DNAJB12: variants seen among roughly 807,000 people sequenced by gnomAD.
DNAJB12 encodes the protein DnaJ heat shock protein family (Hsp40) member B12, also known as dnaJ homolog subfamily B member 12.
DNAJB12 carries 14 observed loss-of-function variants against 40.6 expected under a neutral mutation model. The ratio of observed to expected loss-of-function variants is 0.34; its 90% CI spans 0.23 to 0.54. The LOEUF (loss-of-function observed/expected upper bound fraction) is 0.54, where lower values mean the gene tolerates loss of function less well. Among genes scored for constraint, DNAJB12 ranks in the 20% least tolerant of loss-of-function variants. The probability of loss-of-function intolerance (pLI) is 0.92; values close to 1 mark genes in which losing one functional copy is unlikely to be tolerated. For synonymous variants in DNAJB12, 181 were observed against 199.5 expected, an observed-to-expected ratio of 0.91 and a Z score of 0.78; for missense variants, 444 against 501.7, an observed-to-expected ratio of 0.89 and a Z score of 1.10.
intron 2 of DNAJB12, among the ~76,000 whole-genome samples, chr10:72,344,284 A>T (rs927709613): frequency 6.6e-6 from 1 of 152,070 alleles, no homozygotes; most frequent in Admixed American, 6.6e-5. Context: ...TCTCGCCTAC[A>T]CTTTTATGGC....
At chr10:72,337,828 C>T (rs894726799) in intron 6 of DNAJB12, among the ~76,000 whole-genome samples, 2 of 152,028 alleles carry the variant, frequency 1.3e-5, no homozygotes, top group Non-Finnish European at 2.9e-5. Context: ...AGGGAAGAGT[C>T]ACAAAGCCGC....
rs1002994500 is a variant in DNAJB12, at chr10:72,345,243, C to T, written c.134-116G>A. 1.6e-4 allele frequency: 197 copies of T among 1,204,824 alleles called. 1 individual carries two copies. Among genetic ancestry groups the T allele is most frequent in the Non-Finnish European group, 2.2e-4 (188 of 860,704 alleles). 74.6% of individuals were successfully genotyped at this position (1,204,824 alleles called of 1,614,324 possible). A position where few individuals can be genotyped will look rare whatever the true frequency, so the allele number is the denominator to read the frequency against. The stretch of plus-strand genomic sequence containing the variant: ...CCCAGCAAAGCCACCAGCTCCTGCC[C>T]TGATTAGGCCTGTGGGTGCTGGGGG... On this transcript the variant is annotated intron_variant, in intron 1 of 8. Coordinates refer to ENST00000444643, the MANE Select transcript of DNAJB12 (RefSeq NM_017626.7).
At chr10:72,339,243 A>AC (rs1472299150) in intron 5 of DNAJB12, among the ~76,000 whole-genome samples, 1 of 149,056 alleles carries the variant, frequency 6.7e-6, no homozygotes, top group African/African-American at 2.5e-5. Flanking sequence ...TGTCTCAAAA[A>AC]AAAAAAAAAA....
At chr10:72,340,378 G>C (rs1589125990) in intron 5 of DNAJB12, among the ~76,000 whole-genome samples, 1 of 152,090 alleles carries the variant, frequency 6.6e-6, no homozygotes, top group Non-Finnish European at 1.5e-5. Flanking sequence ...ACAAAGTTGA[G>C]AGAAAATAGC....
Position 72,345,051 on chromosome 10 carries a change from G to A in DNAJB12, c.210C>T (p.Thr70=). 4 of 1,614,174 alleles carry A rather than the reference G, an allele frequency of 2.5e-6. No individual in the cohort carries two copies. The highest frequency in any genetic ancestry group is 2.5e-6 in the Non-Finnish European group (3 of 1,180,020). The change falls in exon 2 of 9, where the codon ACC becomes ACT. Residue 70 remains threonine (T), a synonymous_variant. Coordinates refer to ENST00000444643, the MANE Select transcript of DNAJB12 (RefSeq NM_017626.7). The part of the protein sequence containing the change: ...QPPPTDTTHA[T]HRKAGGTDAP... ...CATCGGTCCCACCTGCTTTCCTGTG[G>A]GTGGCATGGGTTGTGTCTGTGGGTG...
At chr10:72,353,160 T>A (rs1221926941) in intron 1 of DNAJB12, among the ~76,000 whole-genome samples, 1 of 152,258 alleles carries the variant, frequency 6.6e-6, no homozygotes, top group Non-Finnish European at 1.5e-5. Flanking sequence ...TTCAAGCTCC[T>A]GAACTGGTGC....
intron 6 of DNAJB12, among the ~76,000 whole-genome samples, chr10:72,337,998 C>T (rs990308709): frequency 1.4e-4 from 22 of 152,070 alleles, no homozygotes; most frequent in African/African-American, 1.4e-4. Flanking sequence ...CTGTAGCTCT[C>T]GCTGCAATTT....
chr10:72,350,137 C>T (rs1258002136), intron 1 of DNAJB12, among the ~76,000 whole-genome samples: 1 of 152,072 alleles, frequency 6.6e-6, no homozygotes, highest in African/African-American at 2.4e-5. Context: ...CAGTGGCTCA[C>T]ACCTGTCATC....
chr10:72,343,316 T>G (rs745924448), intron 3 of DNAJB12, 50 bp downstream of exon 3: 1 of 1,583,732 alleles, frequency 6.3e-7, no homozygotes, highest in Non-Finnish European at 8.6e-7. Context: ...CTCCCTGCCA[T>G]GGACAGGAGA....
At chr10:72,339,809 G>T (rs1345137996) in intron 5 of DNAJB12, among the ~76,000 whole-genome samples, 1 of 151,072 alleles carries the variant, frequency 6.6e-6, no homozygotes, top group Non-Finnish European at 1.5e-5. Context: ...TGCCTCCTGG[G>T]TTCAAGTGAT....
At chr10:72,343,314 C>T in intron 3 of DNAJB12, 52 bp downstream of exon 3, 1 of 1,581,148 alleles carries the variant, frequency 6.3e-7, no homozygotes. Context: ...TACTCCCTGC[C>T]ATGGACAGGA....
intron 1 of DNAJB12, among the ~76,000 whole-genome samples, chr10:72,349,683 A>T (rs1861886663): frequency 6.6e-6 from 1 of 152,162 alleles, no homozygotes; most frequent in East Asian, 1.9e-4. Flanking sequence ...TAGCCAGGAG[A>T]TGGGACAGGC....
intron 6 of DNAJB12, among the ~76,000 whole-genome samples, chr10:72,337,945 G>A (rs1861524285): frequency 6.6e-6 from 1 of 152,198 alleles, no homozygotes; most frequent in South Asian, 2.1e-4. Context: ...TCGTGTGTGT[G>A]TATGTGTGTG....
rs549224257 is a variant in DNAJB12 at position 72,352,888 on chromosome 10, T to TC, written c.133+1876dup. ...CCGCCACCTAATATATCTGTATTACTCCCCCTGGGGAGGCAGGTAGCCAGC... is the reference window on the plus strand; with the variant it reads ...CCGCCACCTAATATATCTGTATTACTCCCCCCTGGGGAGGCAGGTAGCCAGC... On this transcript the variant is annotated intron_variant, in intron 1 of 8. Transcript: ENST00000444643. Among the ~76,000 whole-genome samples the TC allele has an allele frequency of 4.5e-4, 69 of 152,280 alleles. 1 individual carries two copies. The South Asian group carries it at 0.014, about 32-fold the overall frequency.
Position 72,334,542 on chromosome 10 carries a change from T to C in DNAJB12, c.*106A>G, listed in dbSNP as rs777272112. On this transcript the variant is annotated 3_prime_UTR_variant, in exon 9 of 9. Coordinates refer to ENST00000444643, the MANE Select transcript of DNAJB12 (RefSeq NM_017626.7). ...TTCCATTTTAATTTTGTTTCTTTGTTTGTCTTTCCTCAAATATACAGTCCA... is the reference window on the plus strand; with the variant it reads ...TTCCATTTTAATTTTGTTTCTTTGTCTGTCTTTCCTCAAATATACAGTCCA... 13 of 1,534,052 alleles carry C rather than the reference T, an allele frequency of 8.5e-6. 2 individuals are homozygous for C. The South Asian group carries it at 1.2e-4, about 14-fold the overall frequency.
Position 72,335,941 on chromosome 10 carries a change from A to G in DNAJB12, c.1007-10T>C, listed in dbSNP as rs1412606788. 1 of 1,613,986 alleles carries G rather than the reference A, an allele frequency of 6.2e-7. No homozygotes were observed. The highest frequency in any genetic ancestry group is 8.5e-7 in the Non-Finnish European group (1 of 1,179,916). ...TACAGCAAGCCTTCCTCTGCAAAGC[A>G]ATGGGACAGGGTTAGTGCACACCCA... is the stretch of plus-strand genomic sequence containing the variant. On this transcript the variant is annotated splice_polypyrimidine_tract_variant and intron_variant, in intron 7 of 8. Transcript: ENST00000444643. The surrounding 1 kb of genome is among the most constrained non-coding windows in gnomAD (Gnocchi z 4.4).
intron 3 of DNAJB12, among the ~76,000 whole-genome samples, chr10:72,342,021 G>A (rs1000910146): frequency 6.6e-6 from 1 of 152,196 alleles, no homozygotes; most frequent in African/African-American, 2.4e-5. Context: ...TAAACCTGAA[G>A]TCATAGTCTG....
intron 1 of DNAJB12, 36 bp downstream of exon 1, chr10:72,354,729 C>T (rs1332132175): frequency 6.4e-7 from 1 of 1,562,782 alleles, no homozygotes; most frequent in Non-Finnish European, 8.7e-7. Context: ...CCCATCAGTT[C>T]TAATGTCCCC....
In DNAJB12 at chr10:72,335,477, C is replaced by T. The variant is rs1028044585; in HGVS notation, c.*30+303G>A. 9.7e-6 allele frequency: 11 copies of T among 1,129,228 alleles called. No homozygotes were observed. Among genetic ancestry groups the T allele is most frequent in the Admixed American group, 4.5e-5 (1 of 22,370 alleles). 70.0% of individuals were successfully genotyped at this position (1,129,228 alleles called of 1,614,324 possible). ...ATGGCTGGAGTGGACCAAGAAGCCC[C>T]GGGTGGCCCTCAGCAACAGTTTCAA... On this transcript the variant is annotated intron_variant, in intron 8 of 8. Coordinates refer to ENST00000444643, the MANE Select transcript of DNAJB12 (RefSeq NM_017626.7). The surrounding 1 kb of genome is among the most constrained non-coding windows in gnomAD (Gnocchi z 4.4).
Sources: allele counts gnomAD v4.1 joint callset (sites outside exome capture counted in the v4.1 genomes callset), GRCh38; gene constraint gnomAD v4.1.1; non-coding constraint Gnocchi (gnomAD v3.1); transcripts MANE v1.5; gene names NCBI Gene and HGNC (gene_info 2026-07-23, HGNC 2026-07-21).